The following RPIA variants were observed in gnomAD, a reference collection of about 807,000 sequenced individuals.
RPIA encodes the protein ribose 5-phosphate isomerase A, also known as ribose-5-phosphate isomerase.
A neutral mutation model predicts 37.8 loss-of-function variants in RPIA; 29 were observed. The ratio of observed to expected loss-of-function variants is 0.77; its 90% CI spans 0.57 to 1.05. The LOEUF is 1.05. RPIA is among the 50% of genes least tolerant of loss of function. The pLI, the probability that RPIA is intolerant of heterozygous loss-of-function variation, is 0.00. For missense variants in RPIA, 385 were observed against 413.6 expected (o/e 0.93, Z 0.60); for synonymous variants, 167 against 157.0 (o/e 1.06, Z -0.48).
chr2:88,709,485 T>C (rs1280831781), intron 3 of RPIA, among the ~76,000 whole-genome samples: 2 of 152,224 alleles, frequency 1.3e-5, no homozygotes, highest in African/African-American at 4.8e-5. Flanking sequence ...ATAAGTCTTA[T>C]GAGCCAATTG....
At chr2:88,712,897 T>A (rs1672976595) in intron 3 of RPIA, among the ~76,000 whole-genome samples, 1 of 151,682 alleles carries the variant, frequency 6.6e-6, no homozygotes, top group African/African-American at 2.4e-5. Flanking sequence ...AGACGGTGTC[T>A]TGCTGTTGTC....
chr2:88,703,095 A>G (rs1573461430), intron 3 of RPIA, among the ~76,000 whole-genome samples: 1 of 152,162 alleles, frequency 6.6e-6, no homozygotes, highest in African/African-American at 2.4e-5. Context: ...GTGGGTGCCC[A>G]TGGTCTTGGG....
chr2:88,740,653 G>C (rs1361468836), intron 8 of RPIA, among the ~76,000 whole-genome samples: 1 of 152,142 alleles, frequency 6.6e-6, no homozygotes, highest in Non-Finnish European at 1.5e-5. Context: ...CTTTCCCCTA[G>C]GTTCACATTT....
chr2:88,713,125 T>A lies in RPIA; in HGVS notation c.402+13061T>A, dbSNP rs1235111966. ...ATATATATATATATATATATATTTT[T>A]TTTTTTTTTTTCAAGCTACGAGTAG... On this transcript the variant is annotated intron_variant, in intron 3 of 8. Transcript: ENST00000283646. Among the ~76,000 whole-genome samples, 120 of 141,834 alleles carry A rather than the reference T, an allele frequency of 8.5e-4. 1 individual carries two copies. The highest frequency in any genetic ancestry group is 2.2e-3 in the African/African-American group (84 of 38,370). The allele number at this position is 141,834 out of a possible 152,430, so 93.0% of individuals were successfully genotyped here.
chr2:88,724,198 G>GA (rs1183735695), intron 3 of RPIA, among the ~76,000 whole-genome samples: 2 of 152,178 alleles, frequency 1.3e-5, no homozygotes, highest in Middle Eastern at 3.2e-3. Flanking sequence ...GGGGAGGAGG[G>GA]ATTCTAGTTT....
At chr2:88,738,110 A>G in intron 8 of RPIA, 34 bp downstream of exon 8, 2 of 1,479,920 alleles carry the variant, frequency 1.4e-6, no homozygotes, top group Non-Finnish European at 9.5e-7. Context: ...TCATATACAC[A>G]CCCATGGCCT....
At chr2:88,704,675 A>G (rs957838106) in intron 3 of RPIA, among the ~76,000 whole-genome samples, 2 of 152,150 alleles carry the variant, frequency 1.3e-5, no homozygotes, top group African/African-American at 4.8e-5. Context: ...ATTAAGGGTC[A>G]TCTCTCTCAC....
Position 88,691,778 on chromosome 2 carries a change from C to T in RPIA, c.80C>T (p.Ser27Phe). Residue 27 changes from serine (S) to phenylalanine (F), a missense_variant, in exon 1 of 9, where the codon TCC becomes TTC. By Grantham distance (155) the Ser-to-Phe change is radical. Transcript: ENST00000283646. ...CCCGGGAGGGCCGGGGGCGCGGCCTCCGGCGGAGGAGGGAACAGCTGGGAC... is the reference window on the plus strand; with the variant it reads ...CCCGGGAGGGCCGGGGGCGCGGCCTTCGGCGGAGGAGGGAACAGCTGGGAC... Reference protein sequence around the residue: ...PLPGRAGGAASGGGGNSWDLP... With the variant: ...PLPGRAGGAAFGGGGNSWDLP... 2 of 1,592,482 alleles carry T rather than the reference C, an allele frequency of 1.3e-6. No individual in the cohort carries two copies. The highest frequency in any genetic ancestry group is 1.7e-6 in the Non-Finnish European group (2 of 1,173,248).
At chr2:88,697,283 A>G (rs1672761186) in intron 1 of RPIA, among the ~76,000 whole-genome samples, 1 of 152,238 alleles carries the variant, frequency 6.6e-6, no homozygotes, top group South Asian at 2.1e-4. Flanking sequence ...CTCATCTATA[A>G]AGTGGAAATA....
chr2:88,729,383 T>C (rs1337175787), intron 4 of RPIA, 46 bp downstream of exon 4: 3 of 1,552,240 alleles, frequency 1.9e-6, no homozygotes, highest in South Asian at 1.1e-5. Flanking sequence ...TTCTTTCCGC[T>C]TTTTTATGGC....
In RPIA at chr2:88,713,025, C is replaced by A. The variant is rs768258308; in HGVS notation, c.402+12961C>A. ...CTGGGAGTACAGGTGCCCGCCACCA[C>A]GCCCAGCTGATTTTTTTGTATTTTT... is the stretch of plus-strand genomic sequence containing the variant. On this transcript the variant is annotated intron_variant, in intron 3 of 8. Coordinates refer to ENST00000283646, the MANE Select transcript of RPIA (RefSeq NM_144563.3). Among the ~76,000 whole-genome samples the A allele has an allele frequency of 3.3e-5, 5 of 149,678 alleles. No individual in the cohort carries two copies. In the East Asian group the frequency reaches 5.8e-4, roughly 17 times the overall value.
intron 3 of RPIA, among the ~76,000 whole-genome samples, chr2:88,716,072 C>T (rs555980343): frequency 7.0e-4 from 106 of 152,252 alleles, no homozygotes; most frequent in African/African-American, 2.1e-3. Flanking sequence ...AAAGTCATCC[C>T]TCTGAGGCTC....
chr2:88,694,895 T>C (rs931265933), intron 1 of RPIA, among the ~76,000 whole-genome samples: 9 of 151,408 alleles, frequency 5.9e-5, no homozygotes, highest in South Asian at 2.1e-4. Flanking sequence ...TATTGGATCA[T>C]GCCCTTTTTG....
intron 1 of RPIA, among the ~76,000 whole-genome samples, chr2:88,697,096 AAC>A (rs1257110372): frequency 2.6e-5 from 4 of 152,362 alleles, no homozygotes; most frequent in Admixed American, 1.3e-4. Flanking sequence ...TTGCTTTGTT[AAC>A]AGTTTTCTGC....
At chr2:88,694,979 C>CAAAAAAAAAAAA (rs61633535) in intron 1 of RPIA, among the ~76,000 whole-genome samples, 1 of 119,114 alleles carries the variant, frequency 8.4e-6, no homozygotes, top group Non-Finnish European at 1.8e-5. Context: ...AATAAAGTCT[C>CAAAAAAAAAAAA]AAAAAAAAAA....
At chr2:88,736,799 T>A (rs1673321181) in intron 7 of RPIA, 123 bp downstream of exon 7, 2 of 1,207,730 alleles carry the variant, frequency 1.7e-6, no homozygotes, top group Admixed American at 2.5e-5. Context: ...TATTTATTTT[T>A]AATTGATGTA....
At position 88,729,313 on chromosome 2, in the gene RPIA, C is replaced by T. The variant is rs1489422350; in HGVS notation, c.438C>T (p.Leu146=). Reference sequence around the variant, plus strand: ...TCATCCTGCAGTATGGCTTGACCCTCAGTGATCTGGATCGACACCCAGAGG... The same window carrying T: ...TCATCCTGCAGTATGGCTTGACCCTTAGTGATCTGGATCGACACCCAGAGG... ...RQLILQYGLT[L]SDLDRHPEID... The change falls in exon 4 of 9, where the codon CTC becomes CTT. Residue 146 remains leucine (L), a synonymous_variant. Transcript: ENST00000283646. 1 of 1,614,182 alleles carries T rather than the reference C, an allele frequency of 6.2e-7. No homozygotes were observed. Among genetic ancestry groups the T allele is most frequent in the Non-Finnish European group, 8.5e-7 (1 of 1,180,020 alleles).
chr2:88,738,131 C>A, intron 8 of RPIA, 55 bp downstream of exon 8: 1 of 1,300,422 alleles, frequency 7.7e-7, no homozygotes, highest in South Asian at 1.2e-5. Flanking sequence ...TCATAACTGG[C>A]CCCTACATCT....
chr2:88,750,074 G>T lies in RPIA; in HGVS notation c.932G>T (p.Cys311Phe). ...GSVNMREKPF[C>F] ...GTGAACATGAGGGAGAAGCCTTTCTGTTGACCCTGCAAGGAGCAGAGTGTG... is the reference window on the plus strand; with the variant it reads ...GTGAACATGAGGGAGAAGCCTTTCTTTTGACCCTGCAAGGAGCAGAGTGTG... The change falls in exon 9 of 9, where the codon TGT (cysteine) becomes TTT (phenylalanine). Residue 311 changes from cysteine to phenylalanine, a missense_variant. Physicochemically the swap from Cys to Phe is radical, Grantham distance 205 (BLOSUM62 -2). Around this residue, in one of 2 missense-constraint regions of RPIA, gnomAD observed 153 missense variants for 210.6 expected, o/e 0.73. Transcript: ENST00000283646. 6.2e-7 allele frequency: 1 copy of T among 1,609,384 alleles called. No individual in the cohort carries two copies. The highest frequency in any genetic ancestry group is 8.5e-7 in the Non-Finnish European group (1 of 1,176,328).
Sources: allele counts gnomAD v4.1 joint callset (sites outside exome capture counted in the v4.1 genomes callset), GRCh38; gene constraint gnomAD v4.1.1; regional missense constraint gnomAD v4.1.1; transcripts MANE v1.5; gene names NCBI Gene and HGNC (gene_info 2026-07-23, HGNC 2026-07-21).